Variants in PAIP2B observed in about 807,000 individuals in gnomAD.
PAIP2B encodes the protein polyadenylate-binding protein-interacting protein 2B.
Under a neutral mutation model 17.0 loss-of-function variants are expected in PAIP2B, and 13 were observed. The ratio of observed to expected loss-of-function variants is 0.76; its 90% CI spans 0.50 to 1.22. The LOEUF (loss-of-function observed/expected upper bound fraction) is 1.22. PAIP2B is among the 50% of genes most tolerant of loss of function. The pLI, the probability that PAIP2B is intolerant of heterozygous loss-of-function variation, is 0.00. For synonymous variants in PAIP2B, 43 were observed against 48.7 expected (o/e 0.88, Z 0.48); for missense variants, 117 against 144.5 (o/e 0.81, Z 0.98).
chr2:71,212,808 C>T (rs1329609784), intron 1 of PAIP2B, among the ~76,000 whole-genome samples: 1 of 151,742 alleles, frequency 6.6e-6, no homozygotes, highest in East Asian at 1.9e-4. Context: ...GGCTGGAGCT[C>T]AGTGGTGCAA....
At chr2:71,207,077 G>C (rs997884830) in intron 1 of PAIP2B, among the ~76,000 whole-genome samples, 3 of 152,054 alleles carry the variant, frequency 2.0e-5, no homozygotes, top group African/African-American at 7.2e-5. Flanking sequence ...GCTTTGATAG[G>C]GTACACAGCC....
chr2:71,199,331 T>C (rs1003091843), intron 2 of PAIP2B, among the ~76,000 whole-genome samples: 27 of 152,044 alleles, frequency 1.8e-4, no homozygotes, highest in Non-Finnish European at 1.8e-4. Flanking sequence ...ATAATGAATA[T>C]TGTTGACATT....
At chr2:71,189,004 C>CTTTTT (rs56008115) in intron 3 of PAIP2B, among the ~76,000 whole-genome samples, 4 of 122,190 alleles carry the variant, frequency 3.3e-5, no homozygotes, top group Admixed American at 8.3e-5. Context: ...TGCTCACAGA[C>CTTTTT]TTTTTTTTTT....
At chr2:71,221,044 A>C (rs996046863) in intron 1 of PAIP2B, among the ~76,000 whole-genome samples, 1 of 152,240 alleles carries the variant, frequency 6.6e-6, no homozygotes, top group African/African-American at 2.4e-5. Flanking sequence ...CAGTGTAATC[A>C]TTCCCAGAAT....
At chr2:71,214,186 C>T (rs1459178248) in intron 1 of PAIP2B, among the ~76,000 whole-genome samples, 1 of 152,136 alleles carries the variant, frequency 6.6e-6, no homozygotes, top group African/African-American at 2.4e-5. Flanking sequence ...AGAATTAGTG[C>T]TTAAGCTTAG....
intron 1 of PAIP2B, among the ~76,000 whole-genome samples, chr2:71,212,413 G>C (rs1228335293): frequency 6.6e-6 from 1 of 152,226 alleles, no homozygotes; most frequent in East Asian, 1.9e-4. Flanking sequence ...CACCCACCAG[G>C]TCCTTAATAA....
rs1277884546 is a variant in PAIP2B, at chr2:71,183,516, G to A, written c.*4963C>T. The A allele has an allele frequency of 7.3e-6, 1 of 136,248 alleles. No individual in the cohort carries two copies. Among genetic ancestry groups the A allele is most frequent in the African/African-American group, 2.8e-5 (1 of 35,320 alleles). The allele number at this position is 136,248 out of a possible 1,614,324, so 8.4% of individuals were successfully genotyped here. On this transcript the variant is annotated 3_prime_UTR_variant, in exon 4 of 4. Coordinates refer to ENST00000244221, the MANE Select transcript of PAIP2B (RefSeq NM_020459.1). ...TCCTACGTTCGGAGGGTTCCGTTTAGACAACAGGAAGTTGGAATCCAAGTT... is the reference window on the plus strand; with the variant it reads ...TCCTACGTTCGGAGGGTTCCGTTTAAACAACAGGAAGTTGGAATCCAAGTT...
intron 2 of PAIP2B, among the ~76,000 whole-genome samples, chr2:71,194,562 T>C (rs1177580940): frequency 6.6e-6 from 1 of 151,994 alleles, no homozygotes; most frequent in Non-Finnish European, 1.5e-5. Flanking sequence ...ATAGGAATGC[T>C]AGTGATTTTT....
chr2:71,219,082 ATTTTTTT>A (rs568552077), intron 1 of PAIP2B, among the ~76,000 whole-genome samples: 32 of 114,000 alleles, frequency 2.8e-4, no homozygotes, highest in African/African-American at 4.3e-4. Flanking sequence ...CGCCTAGCTA[ATTTTTTT>A]TTTTTTTTTT....
chr2:71,197,444 A>G (rs984312195), intron 2 of PAIP2B, among the ~76,000 whole-genome samples: 4 of 152,050 alleles, frequency 2.6e-5, no homozygotes, highest in Non-Finnish European at 5.9e-5. Flanking sequence ...GCTGTCTTTA[A>G]TATTCTTTCA....
intron 1 of PAIP2B, among the ~76,000 whole-genome samples, chr2:71,211,752 C>A (rs1279006559): frequency 1.3e-5 from 2 of 152,164 alleles, no homozygotes; most frequent in African/African-American, 4.8e-5. Context: ...CAATCCCAAA[C>A]TTTTAGAAAC....
chr2:71,191,486 C>T (rs1674686315), intron 2 of PAIP2B, among the ~76,000 whole-genome samples: 1 of 152,186 alleles, frequency 6.6e-6, no homozygotes, highest in Admixed American at 6.5e-5. Context: ...CAGAAACATG[C>T]TACGTGCAAT....
chr2:71,202,417 T>A, intron 2 of PAIP2B, 35 bp downstream of exon 2: 1 of 1,606,060 alleles, frequency 6.2e-7, no homozygotes, highest in African/African-American at 1.3e-5. Context: ...GTTACATGTA[T>A]CATCAATCTT....
chr2:71,204,738 C>T lies in PAIP2B; in HGVS notation c.-11-2138G>A, dbSNP rs906558347. ...AACCAGTTCTTTATTTTTACCACTT[C>T]CATCTGTAGCATAACAGTGATAGAA... On this transcript the variant is annotated intron_variant, in intron 1 of 3. Coordinates refer to ENST00000244221, the MANE Select transcript of PAIP2B (RefSeq NM_020459.1). Among the ~76,000 whole-genome samples the T allele has an allele frequency of 5.3e-5, 8 of 152,144 alleles. No homozygotes were observed. In the East Asian group the frequency reaches 1.5e-3, roughly 29 times the overall value.
At chr2:71,205,805 C>T (rs908452012) in intron 1 of PAIP2B, among the ~76,000 whole-genome samples, 5 of 152,114 alleles carry the variant, frequency 3.3e-5, no homozygotes, top group Admixed American at 3.3e-4. Flanking sequence ...CCAAAGCTTC[C>T]AGAGATGGGA....
intron 1 of PAIP2B, among the ~76,000 whole-genome samples, chr2:71,206,130 T>C (rs1675118823): frequency 6.6e-6 from 1 of 152,208 alleles, no homozygotes; most frequent in African/African-American, 2.4e-5. Flanking sequence ...AACAATAGCT[T>C]ATACAGGTAT....
chr2:71,223,641 C>T (rs1450654567), intron 1 of PAIP2B, among the ~76,000 whole-genome samples: 4 of 151,918 alleles, frequency 2.6e-5, no homozygotes, highest in Non-Finnish European at 5.9e-5. Flanking sequence ...GTTCCACCAT[C>T]CTGGACAGGT....
At chr2:71,194,505 T>C (rs1055635697) in intron 2 of PAIP2B, among the ~76,000 whole-genome samples, 5 of 150,088 alleles carry the variant, frequency 3.3e-5, no homozygotes, top group Non-Finnish European at 7.4e-5. Context: ...CAACTGTGAA[T>C]GGGATTGCCT....
intron 2 of PAIP2B, among the ~76,000 whole-genome samples, chr2:71,191,699 A>C (rs750625254): frequency 2.2e-4 from 34 of 152,094 alleles, no homozygotes; most frequent in Admixed American, 5.2e-4. Flanking sequence ...TTAAAAGAAG[A>C]CCCCTTGCCA....
Sources: allele counts gnomAD v4.1 joint callset (sites outside exome capture counted in the v4.1 genomes callset), GRCh38; gene constraint gnomAD v4.1.1; transcripts MANE v1.5; gene names NCBI Gene and HGNC (gene_info 2026-07-23, HGNC 2026-07-21).